The following ARK2N variants were observed in gnomAD, a reference collection of about 807,000 sequenced individuals.
The protein encoded by ARK2N is arkadia (RNF111) N-terminal like PKA signaling regulator 2N, also known as protein ARK2N.
chr18:46,263,651 A>G, the ARK2N span: 1 of 152,834 alleles, frequency 6.5e-6, no homozygotes, highest in East Asian at 1.9e-4. Context: ...TATTAAAATT[A>G]TATTTTCTTT....
At chr18:46,203,633 T>C in the ARK2N span, among the ~76,000 whole-genome samples, 2 of 152,170 alleles carry the variant, frequency 1.3e-5, no homozygotes. Context: ...AAAGTCTCAC[T>C]CTTGTCCAGG....
At chr18:46,215,908 G>A in the ARK2N span, 2 of 1,613,530 alleles carry the variant, frequency 1.2e-6, no homozygotes, top group Non-Finnish European at 8.5e-7. Flanking sequence ...AGTGGGAAAA[G>A]TTGAAGAACT....
the ARK2N span, among the ~76,000 whole-genome samples, chr18:46,202,070 G>A: frequency 6.6e-6 from 1 of 152,056 alleles, no homozygotes; most frequent in African/African-American, 2.4e-5. Context: ...GAGCCACCAT[G>A]CCTGGCCTAG....
the ARK2N span, among the ~76,000 whole-genome samples, chr18:46,260,308 CT>C: frequency 2.6e-5 from 4 of 152,176 alleles, no homozygotes; most frequent in Non-Finnish European, 5.9e-5. Flanking sequence ...CACAGTGATT[CT>C]CCCTTTGGGA....
chr18:46,235,261 A>G, the ARK2N span, among the ~76,000 whole-genome samples: 78 of 152,348 alleles, frequency 5.1e-4, no homozygotes, highest in African/African-American at 1.9e-3. Context: ...CAAAAGTCAC[A>G]TTTGTGATGA....
the ARK2N span, among the ~76,000 whole-genome samples, chr18:46,174,789 A>G: frequency 1.3e-5 from 2 of 151,924 alleles, no homozygotes; most frequent in Non-Finnish European, 2.9e-5. Flanking sequence ...AGTGGCGGCA[A>G]CTCCGCCAGC....
At chr18:46,178,707 G>A in the ARK2N span, among the ~76,000 whole-genome samples, 1 of 152,082 alleles carries the variant, frequency 6.6e-6, no homozygotes, top group Non-Finnish European at 1.5e-5. Context: ...GATTGCTTGA[G>A]CCCAGGAGAC....
chr18:46,220,587 G>T, the ARK2N span, among the ~76,000 whole-genome samples: 28 of 152,120 alleles, frequency 1.8e-4, no homozygotes, highest in Admixed American at 8.5e-4. Context: ...TGTCTTCCAT[G>T]ATATATAACA....
At chr18:46,196,598 T>A in the ARK2N span, among the ~76,000 whole-genome samples, 1 of 152,224 alleles carries the variant, frequency 6.6e-6, no homozygotes, top group African/African-American at 2.4e-5. Context: ...ATTTGTAAGA[T>A]AATACCACTT....
At chr18:46,215,938 C>G in the ARK2N span, 4 of 1,613,930 alleles carry the variant, frequency 2.5e-6, no homozygotes, top group African/African-American at 5.3e-5. Context: ...CGAAGCCCCA[C>G]CAAAAGCATC....
At chr18:46,207,244 A>C in the ARK2N span, among the ~76,000 whole-genome samples, 1 of 152,198 alleles carries the variant, frequency 6.6e-6, no homozygotes, top group Admixed American at 6.6e-5. Context: ...AAGGACTAGT[A>C]TATTTTTATT....
chr18:46,261,290 C>T, the ARK2N span, among the ~76,000 whole-genome samples: 22 of 152,310 alleles, frequency 1.4e-4, no homozygotes, highest in South Asian at 2.9e-3. Flanking sequence ...TCAGACCTGT[C>T]TTCCTTGGCC....
the ARK2N span, among the ~76,000 whole-genome samples, chr18:46,257,552 T>C: frequency 6.6e-6 from 1 of 152,196 alleles, no homozygotes; most frequent in African/African-American, 2.4e-5. Context: ...TTTTGGACAG[T>C]CCAGTTTCAC....
the ARK2N span, among the ~76,000 whole-genome samples, chr18:46,233,808 G>A: frequency 1.3e-5 from 2 of 152,142 alleles, no homozygotes; most frequent in African/African-American, 4.8e-5. Context: ...TAATAATTGA[G>A]TATAATGGAA....
At chr18:46,244,077 C>A in the ARK2N span, among the ~76,000 whole-genome samples, 1 of 152,184 alleles carries the variant, frequency 6.6e-6, no homozygotes, top group Non-Finnish European at 1.5e-5. Flanking sequence ...CTAGGTTTCT[C>A]CTGATGATTC....
At chr18:46,208,265 TTGCTTTA>T in the ARK2N span, among the ~76,000 whole-genome samples, 1 of 152,166 alleles carries the variant, frequency 6.6e-6, no homozygotes, top group Non-Finnish European at 1.5e-5. Flanking sequence ...ACTAATGACC[TTGCTTTA>T]TGCTTTAAGA....
the ARK2N span, among the ~76,000 whole-genome samples, chr18:46,195,852 A>G: frequency 4.3e-3 from 658 of 152,262 alleles, 3 homozygotes; most frequent in African/African-American, 0.015. Flanking sequence ...CTGGTATTAT[A>G]GGCATGAGCC....
At chr18:46,183,898 A>T in the ARK2N span, among the ~76,000 whole-genome samples, 1 of 148,238 alleles carries the variant, frequency 6.7e-6, no homozygotes, top group South Asian at 2.1e-4. Context: ...ATCTCAGCTC[A>T]CTGCAACCTC....
the ARK2N span, among the ~76,000 whole-genome samples, chr18:46,203,507 G>C: frequency 2.6e-5 from 4 of 152,272 alleles, no homozygotes; most frequent in South Asian, 2.1e-4. Flanking sequence ...TTCTGTATAT[G>C]GTCATTACGT....
Sources: gnomAD v4.1 joint callset for allele counts (sites outside exome capture counted in the v4.1 genomes callset) on GRCh38, gnomAD v4.1.1 for gene constraint, MANE v1.5 for transcripts, NCBI Gene and HGNC (gene_info 2026-07-23, HGNC 2026-07-21) for gene names.